The following ACACA variants were observed in gnomAD, a reference collection of about 807,000 sequenced individuals.
ACACA encodes the protein acetyl-CoA carboxylase alpha.
A neutral mutation model predicts 296.1 loss-of-function variants in ACACA; 103 were observed. The observed-to-expected ratio is 0.35, with a 90% confidence interval of 0.30 to 0.41. The LOEUF is 0.41. Among genes scored for constraint, ACACA ranks in the 10% least tolerant of loss-of-function variants. The pLI is 1.00. For missense variants in ACACA, 1,554 were observed against 2,989.7 expected (o/e 0.52, Z 11.20); for synonymous variants, 953 against 1,038.6 (o/e 0.92, Z 1.58).
At chr17:37,185,081 G>A (rs1405439475) in intron 39 of ACACA, among the ~76,000 whole-genome samples, 1 of 152,104 alleles carries the variant, frequency 6.6e-6, no homozygotes. Context: ...TTCTACCTTT[G>A]ACTGCAAAGG....
At chr17:37,109,417 A>G (rs1233501718) in intron 52 of ACACA, among the ~76,000 whole-genome samples, 1 of 152,156 alleles carries the variant, frequency 6.6e-6, no homozygotes, top group East Asian at 1.9e-4. Flanking sequence ...TTATGGTTGG[A>G]AAAAAACTGA....
At chr17:37,156,852 C>T (rs11655013) in intron 42 of ACACA, among the ~76,000 whole-genome samples, 132,546 of 152,248 alleles carry the variant, frequency 0.87, 58,100 homozygotes, top group East Asian at 0.99. Context: ...GAGCACAACA[C>T]GGAAAAGACA....
At chr17:37,236,157 A>G (rs2080101104) in intron 24 of ACACA, among the ~76,000 whole-genome samples, 1 of 152,230 alleles carries the variant, frequency 6.6e-6, no homozygotes, top group South Asian at 2.1e-4. Context: ...CACTGAGTAC[A>G]CTGGACCAGT....
intron 37 of ACACA, 133 bp from the exon 38 acceptor site, chr17:37,191,408 C>T: frequency 1.0e-6 from 1 of 952,860 alleles, no homozygotes; most frequent in Non-Finnish European, 1.6e-6. Flanking sequence ...TATCTTTCTC[C>T]CTAGAGTCAG....
At chr17:37,393,983 TCC>T (rs1418260377) in intron 1 of ACACA, among the ~76,000 whole-genome samples, 1 of 152,024 alleles carries the variant, frequency 6.6e-6, no homozygotes, top group Non-Finnish European at 1.5e-5. Flanking sequence ...TAACTTCAAG[TCC>T]TATATTCCCT....
chr17:37,160,379 C>A (rs192514003), intron 42 of ACACA, among the ~76,000 whole-genome samples: 1 of 152,154 alleles, frequency 6.6e-6, no homozygotes, highest in African/African-American at 2.4e-5. Flanking sequence ...AAGGGCACAA[C>A]GGATGCAGGT....
chr17:37,341,616 A>T (rs1031046342), intron 1 of ACACA, among the ~76,000 whole-genome samples: 1 of 150,308 alleles, frequency 6.7e-6, no homozygotes. Context: ...CTTGAACCCG[A>T]GAGGTGGAGG....
intron 25 of ACACA, among the ~76,000 whole-genome samples, chr17:37,231,206 A>C (rs965714123): frequency 6.6e-5 from 10 of 151,296 alleles, no homozygotes; most frequent in African/African-American, 2.4e-4. Context: ...CAGTGAGACC[A>C]CATCTTTAAT....
intron 1 of ACACA, among the ~76,000 whole-genome samples, chr17:37,367,998 C>T (rs554479055): frequency 2.0e-5 from 3 of 151,524 alleles, no homozygotes; most frequent in Non-Finnish European, 4.4e-5. Context: ...ACCCGGGAGG[C>T]GGAGGTTGCA....
intron 23 of ACACA, 87 bp downstream of exon 23, chr17:37,241,866 T>C (rs999267053): frequency 8.6e-6 from 9 of 1,044,406 alleles, no homozygotes; most frequent in Non-Finnish European, 1.4e-5. Flanking sequence ...TGAAGTCAAA[T>C]CTGAGGTAAA....
At chr17:37,314,040 T>C (rs945215738) in intron 3 of ACACA, among the ~76,000 whole-genome samples, 3 of 151,900 alleles carry the variant, frequency 2.0e-5, no homozygotes, top group Non-Finnish European at 2.9e-5. Flanking sequence ...TGGAGTACTA[T>C]TGAGCCATAA....
intron 3 of ACACA, among the ~76,000 whole-genome samples, chr17:37,288,818 G>A (rs1210161512): frequency 6.6e-6 from 1 of 151,768 alleles, no homozygotes; most frequent in Non-Finnish European, 1.5e-5. Flanking sequence ...AGAATCACTT[G>A]AGCCAGGAAG....
intron 45 of ACACA, among the ~76,000 whole-genome samples, chr17:37,138,984 G>T (rs1345648593): frequency 6.6e-6 from 1 of 152,132 alleles, no homozygotes; most frequent in African/African-American, 2.4e-5. Flanking sequence ...TTTACAACTA[G>T]GGGGCAGGGG....
intron 41 of ACACA, among the ~76,000 whole-genome samples, chr17:37,168,366 CTTTT>C (rs1472216388): frequency 6.6e-6 from 1 of 151,918 alleles, no homozygotes; most frequent in Non-Finnish European, 1.5e-5. Context: ...TCCAAATTTT[CTTTT>C]TTGTGTTTAT....
At chr17:37,288,959 C>A (rs923932410) in intron 3 of ACACA, among the ~76,000 whole-genome samples, 11 of 151,948 alleles carry the variant, frequency 7.2e-5, no homozygotes, top group Non-Finnish European at 1.6e-4. Flanking sequence ...ACAAACCTGA[C>A]TTTTGAAAAT....
At chr17:37,326,386 C>A (rs1300566455) in intron 3 of ACACA, among the ~76,000 whole-genome samples, 1 of 151,612 alleles carries the variant, frequency 6.6e-6, no homozygotes, top group African/African-American at 2.4e-5. Flanking sequence ...ACAAAATCAG[C>A]CTGGCGTGGT....
chr17:37,367,191 T>C (rs987741301), intron 1 of ACACA: 1 of 151,106 alleles, frequency 6.6e-6, no homozygotes, highest in African/African-American at 2.4e-5. Flanking sequence ...AGTGGACCTA[T>C]TGTGCTGATG....
chr17:37,177,950 GTA>G (rs1233980604), intron 41 of ACACA, among the ~76,000 whole-genome samples: 2 of 152,136 alleles, frequency 1.3e-5, no homozygotes, highest in East Asian at 3.9e-4. Flanking sequence ...CACACACCTT[GTA>G]TATATAGTGA....
chr17:37,275,016 A>G (rs1444638689), intron 8 of ACACA, among the ~76,000 whole-genome samples: 1 of 151,998 alleles, frequency 6.6e-6, no homozygotes, highest in Non-Finnish European at 1.5e-5. Context: ...GTTATCAGCT[A>G]TAATAATTCA....
Sources: allele counts gnomAD v4.1 joint callset (sites outside exome capture counted in the v4.1 genomes callset), GRCh38; gene constraint gnomAD v4.1.1; transcripts MANE v1.5; gene names NCBI Gene and HGNC (gene_info 2026-07-23, HGNC 2026-07-21).